Variants in TRPV5 observed in about 807,000 individuals in gnomAD.
TRPV5 encodes calcium transport protein 2.
TRPV5 carries 66 observed loss-of-function variants against 74.1 expected under a neutral mutation model. That is an observed-to-expected ratio of 0.89 (90% CI 0.73 to 1.09). The LOEUF (loss-of-function observed/expected upper bound fraction) is 1.09, where lower values mean the gene tolerates loss of function less well. Among genes scored for constraint, TRPV5 ranks in the 50% least tolerant of loss-of-function variants. TRPV5 has a pLI of 0.00. For synonymous variants in TRPV5, 399 were observed against 360.7 expected (o/e 1.11, Z -1.20); for missense variants, 936 against 930.4 (o/e 1.01, Z -0.08).
At chr7:142,917,125 C>G (rs1795816293) in intron 8 of TRPV5, among the ~76,000 whole-genome samples, 1 of 150,964 alleles carries the variant, frequency 6.6e-6, no homozygotes, top group South Asian at 2.1e-4. Context: ...GTCCTCAGCT[C>G]TAGCAGCTAT....
Position 142,910,839 on chromosome 7 carries a change from C to T in TRPV5, c.1789-1243G>A, listed in dbSNP as rs1454279211. 2.0e-5 allele frequency among the ~76,000 whole-genome samples: 3 copies of T among 152,180 alleles called. No homozygotes were observed. In the East Asian group the frequency reaches 5.8e-4, roughly 29 times the overall value. ...TTTTTCATTTAGGGAATTGCTCCCT[C>T]ATCACTTTTAGTGCATTGGTTTGAG... On this transcript the variant is annotated intron_variant, in intron 13 of 14. Coordinates refer to ENST00000265310, the MANE Select transcript of TRPV5 (RefSeq NM_019841.7).
At chr7:142,912,829 C>G in intron 12 of TRPV5, 79 bp from the exon 13 acceptor site, 1 of 1,326,964 alleles carries the variant, frequency 7.5e-7, no homozygotes, top group Non-Finnish European at 1.0e-6. Flanking sequence ...AGCACTTATT[C>G]TATCTCTGAT....
chr7:142,921,695 A>G (rs1419988600), intron 8 of TRPV5, among the ~76,000 whole-genome samples: 1 of 152,170 alleles, frequency 6.6e-6, no homozygotes, highest in East Asian at 1.9e-4. Context: ...TTTCTAAAAC[A>G]AAAATTACTC....
At chr7:142,925,387 T>G (rs903624482) in intron 8 of TRPV5, 142 bp downstream of exon 8, 32 of 766,264 alleles carry the variant, frequency 4.2e-5, no homozygotes, top group Non-Finnish European at 6.4e-5. Flanking sequence ...CCTGGTCTCA[T>G]GTCTAATTTC....
chr7:142,931,017 A>ATTT (rs35738386), intron 1 of TRPV5, among the ~76,000 whole-genome samples: 3,239 of 100,260 alleles, frequency 0.032, 257 homozygotes, highest in East Asian at 0.13. Flanking sequence ...CCCTCAGGCT[A>ATTT]TTTTTTTTTT....
chr7:142,916,892 C>CTTTTTTTTTT lies in TRPV5; in HGVS notation c.1123-1334_1123-1325dup, dbSNP rs1480768096. On this transcript the variant is annotated intron_variant, in intron 8 of 14. Coordinates refer to ENST00000265310, the MANE Select transcript of TRPV5 (RefSeq NM_019841.7). ...ACCTGTGACCAGACATCAGTCAACA[C>CTTTTTTTTTT]TTTTTTTTTTCTTTTTTGGCTTAAA... Among the ~76,000 whole-genome samples, 2 of 140,260 alleles carry CTTTTTTTTTT rather than the reference C, an allele frequency of 1.4e-5. 1 individual carries two copies. The highest frequency in any genetic ancestry group is 3.1e-5 in the Non-Finnish European group (2 of 64,984). The allele number at this position is 140,260 out of a possible 152,430, so 92.0% of individuals were successfully genotyped here. A position where few individuals can be genotyped will look rare whatever the true frequency, so the allele number is the denominator to read the frequency against.
chr7:142,924,382 A>G (rs1335479308), intron 8 of TRPV5, among the ~76,000 whole-genome samples: 3 of 118,370 alleles, frequency 2.5e-5, no homozygotes, highest in South Asian at 2.3e-4. Context: ...ATACATATAT[A>G]TATATATATA....
At chr7:142,920,162 G>A (rs571687514) in intron 8 of TRPV5, among the ~76,000 whole-genome samples, 12 of 152,108 alleles carry the variant, frequency 7.9e-5, no homozygotes, top group South Asian at 2.1e-4. Context: ...GTTGAGAACC[G>A]CTGGGCCATA....
chr7:142,921,131 T>C (rs898985438), intron 8 of TRPV5, among the ~76,000 whole-genome samples: 4 of 152,224 alleles, frequency 2.6e-5, no homozygotes, highest in Non-Finnish European at 5.9e-5. Flanking sequence ...TGATGATGTG[T>C]GGACAAATAG....
chr7:142,928,674 T>G lies in TRPV5; in HGVS notation c.762+17A>C, dbSNP rs1057337141. On this transcript the variant is annotated intron_variant, in intron 6 of 14. Coordinates refer to ENST00000265310, the MANE Select transcript of TRPV5 (RefSeq NM_019841.7). ...GGTCATTAGAAAGACACCTCAGGGA[T>G]GGGGAGCGTCTCTTACCACAGTGTT... The G allele has an allele frequency of 8.1e-6, 13 of 1,610,136 alleles. No individual in the cohort carries two copies. Among genetic ancestry groups the G allele is most frequent in the Non-Finnish European group, 9.3e-6 (11 of 1,178,028 alleles).
At chr7:142,925,473 C>T in intron 8 of TRPV5, 56 bp downstream of exon 8, 2 of 1,593,414 alleles carry the variant, frequency 1.3e-6, no homozygotes, top group Non-Finnish European at 1.7e-6. Context: ...GGCTTCGTTT[C>T]CAGCACCATC....
At chr7:142,921,410 T>G (rs944384249) in intron 8 of TRPV5, among the ~76,000 whole-genome samples, 1 of 152,112 alleles carries the variant, frequency 6.6e-6, no homozygotes, top group Non-Finnish European at 1.5e-5. Flanking sequence ...GCCTCCCGAA[T>G]AGCTGGGATT....
rs1203096907 is a variant in TRPV5 at position 142,908,732 on chromosome 7, C to T, written c.1972G>A (p.Asp658Asn). ...TTCTCAGATGGATGCTCCTGGTCAT[C>T]CTCCTTGTCTGAGTTCTTGAACACT... The part of the protein sequence containing the change: ...VEVFKNSDKE[D>N]DQEHPSEKQP... Residue 658 changes from aspartate to asparagine, a missense_variant, in exon 15 of 15, where the codon GAT (aspartate) becomes AAT (asparagine). By Grantham distance (23) the Asp-to-Asn change is conservative. Transcript: ENST00000265310. The T allele has an allele frequency of 6.2e-7, 1 of 1,614,068 alleles. No individual in the cohort carries two copies.
chr7:142,920,150 A>C (rs553109593), intron 8 of TRPV5, among the ~76,000 whole-genome samples: 7 of 152,166 alleles, frequency 4.6e-5, no homozygotes, highest in Admixed American at 3.9e-4. Flanking sequence ...CGTGTATCCC[A>C]AGTTGAGAAC....
rs1346315035 is a variant in TRPV5, at chr7:142,909,486, T to C, written c.1895+4A>G. On this transcript the variant is annotated splice_donor_region_variant and intron_variant, in intron 14 of 14. Transcript: ENST00000265310. The stretch of plus-strand genomic sequence containing the variant: ...CAGTTTTGCATGTGCACACCATCAC[T>C]CACCGCAGGAACCAGCGGTCCCCCA... 1 of 1,613,650 alleles carries C rather than the reference T, an allele frequency of 6.2e-7. No individual in the cohort carries two copies. Among genetic ancestry groups the C allele is most frequent in the Non-Finnish European group, 8.5e-7 (1 of 1,179,922 alleles).
intron 13 of TRPV5, among the ~76,000 whole-genome samples, chr7:142,912,160 T>C (rs1043399916): frequency 2.4e-4 from 37 of 152,124 alleles, no homozygotes; most frequent in African/African-American, 8.4e-4. Context: ...CAGAAGCAAA[T>C]AGAAGATAAG....
At chr7:142,926,397 C>A (rs778306391) in intron 7 of TRPV5, among the ~76,000 whole-genome samples, 1 of 151,916 alleles carries the variant, frequency 6.6e-6, no homozygotes, top group African/African-American at 2.4e-5. Flanking sequence ...GGATGATGGA[C>A]GGGAGGAGGC....
rs1381890755 is a variant in TRPV5, at chr7:142,929,008, A to C, written c.586+14T>G. On this transcript the variant is annotated intron_variant, in intron 5 of 14. Transcript: ENST00000265310. ...CCACAGCATCCCAGCTCCCCTCCCCATCCCAGCTCTTACCCAGGGAGTCCT... is the reference window on the plus strand; with the variant it reads ...CCACAGCATCCCAGCTCCCCTCCCCCTCCCAGCTCTTACCCAGGGAGTCCT... 1 of 1,613,496 alleles carries C rather than the reference A, an allele frequency of 6.2e-7. No individual in the cohort carries two copies. Among genetic ancestry groups the C allele is most frequent in the African/African-American group, 1.3e-5 (1 of 74,798 alleles).
chr7:142,919,482 A>G (rs765750019), intron 8 of TRPV5, among the ~76,000 whole-genome samples: 1 of 152,212 alleles, frequency 6.6e-6, no homozygotes, highest in Non-Finnish European at 1.5e-5. Flanking sequence ...AATGACAACT[A>G]ATCGTGCTTT....
Sources: allele counts gnomAD v4.1 joint callset (sites outside exome capture counted in the v4.1 genomes callset), GRCh38; gene constraint gnomAD v4.1.1; transcripts MANE v1.5; gene names NCBI Gene and HGNC (gene_info 2026-07-23, HGNC 2026-07-21).